DSCAM: variants seen among roughly 807,000 people sequenced by gnomAD.
DSCAM encodes DS cell adhesion molecule, also known as cell adhesion molecule DSCAM.
A neutral mutation model predicts 217.7 loss-of-function variants in DSCAM; 47 were observed. The observed-to-expected ratio is 0.22, with a 90% CI of 0.17 to 0.28. The LOEUF (loss-of-function observed/expected upper bound fraction) is 0.28, where lower values mean the gene tolerates loss of function less well. Ranked by LOEUF, DSCAM falls within the 10% of genes least tolerant of loss-of-function variation. DSCAM has a pLI of 1.00. For missense variants in DSCAM, 2,080 were observed against 2,618.3 expected (o/e 0.79, Z 4.49); for synonymous variants, 1,056 against 1,015.3 (o/e 1.04, Z -0.76).
chr21:40,403,761 A>G (rs980663919), intron 3 of DSCAM, among the ~76,000 whole-genome samples: 7 of 152,200 alleles, frequency 4.6e-5, no homozygotes, highest in Non-Finnish European at 1.0e-4. Context: ...AATGTGATAG[A>G]AGGCCCTAGA....
chr21:40,020,079 G>A (rs2088234703), intron 32 of DSCAM, among the ~76,000 whole-genome samples: 1 of 152,110 alleles, frequency 6.6e-6, no homozygotes, highest in South Asian at 2.1e-4. Flanking sequence ...ATGTGTTGTA[G>A]GAGGGACCCA....
intron 14 of DSCAM, among the ~76,000 whole-genome samples, chr21:40,185,807 T>C (rs539990207): frequency 1.3e-5 from 2 of 152,176 alleles, no homozygotes; most frequent in East Asian, 3.9e-4. Context: ...CAAAAGATGC[T>C]TGTTCAGCTC....
intron 3 of DSCAM, among the ~76,000 whole-genome samples, chr21:40,630,992 T>C (rs1444382826): frequency 1.3e-5 from 2 of 152,164 alleles, no homozygotes; most frequent in African/African-American, 4.8e-5. Flanking sequence ...ATCTGGATAA[T>C]AAAAGTATTA....
intron 1 of DSCAM, among the ~76,000 whole-genome samples, chr21:40,779,032 G>GAAAAA (rs772208075): frequency 1.1e-4 from 5 of 45,548 alleles, no homozygotes; most frequent in Non-Finnish European, 1.6e-4. Context: ...CTCAAAAACA[G>GAAAAA]AAAAAAAAAA....
Position 40,013,100 on chromosome 21 carries a change from T to C in DSCAM, c.5973A>G (p.Ser1991=), listed in dbSNP as rs368514469. 5 of 1,597,428 alleles carry C rather than the reference T, an allele frequency of 3.1e-6. No individual in the cohort carries two copies. In the African/African-American group the frequency reaches 5.4e-5, roughly 17 times the overall value. ...QAAKMSSSQE[S]LLDSRGHLKG... The stretch of plus-strand genomic sequence containing the variant: ...TCAAATGGCCCCGGGAGTCGAGCAG[T>C]GATTCTTGGGAGCTGCTCATTTTAG... The change falls in exon 33 of 33, where the codon TCA becomes TCG. Residue 1991 remains serine, a synonymous_variant. Coordinates refer to ENST00000400454, the MANE Select transcript of DSCAM (RefSeq NM_001389.5).
rs573549915 is a variant in DSCAM at position 40,630,350 on chromosome 21, T to C, written c.508+62460A>G. 1.2e-4 allele frequency among the ~76,000 whole-genome samples: 19 copies of C among 152,348 alleles called. 1 individual carries two copies. The South Asian group carries it at 3.5e-3, about 28-fold the overall frequency. Reference sequence around the variant, plus strand: ...TAAAAATGGCTCAAATTGTGGATTTTATGTTATGTATATTTTACCACAACA... The same window carrying C: ...TAAAAATGGCTCAAATTGTGGATTTCATGTTATGTATATTTTACCACAACA... On this transcript the variant is annotated intron_variant, in intron 3 of 32. Coordinates refer to ENST00000400454, the MANE Select transcript of DSCAM (RefSeq NM_001389.5).
chr21:40,600,268 T>C (rs556864886), intron 3 of DSCAM, among the ~76,000 whole-genome samples: 12 of 152,354 alleles, frequency 7.9e-5, no homozygotes, highest in African/African-American at 2.6e-4. Context: ...CTCACAGTGC[T>C]GGAGACTGGA....
At chr21:40,501,346 G>A (rs914037025) in intron 3 of DSCAM, among the ~76,000 whole-genome samples, 4 of 152,012 alleles carry the variant, frequency 2.6e-5, no homozygotes, top group Non-Finnish European at 4.4e-5. Context: ...CCAAACACTA[G>A]AGGAAATGAT....
intron 1 of DSCAM, among the ~76,000 whole-genome samples, chr21:40,842,871 C>G (rs2092114451): frequency 6.6e-6 from 1 of 152,172 alleles, no homozygotes; most frequent in Non-Finnish European, 1.5e-5. Context: ...GAACGATCCA[C>G]TGGCATTTAT....
chr21:40,513,896 T>C (rs73362995), intron 3 of DSCAM, among the ~76,000 whole-genome samples: 2,489 of 152,178 alleles, frequency 0.016, 67 homozygotes, highest in African/African-American at 0.057. Flanking sequence ...AAGTCAAAAA[T>C]AGTCAAAATA....
At chr21:40,151,757 A>G (rs1601388055) in intron 16 of DSCAM, among the ~76,000 whole-genome samples, 1 of 152,184 alleles carries the variant, frequency 6.6e-6, no homozygotes, top group East Asian at 1.9e-4. Flanking sequence ...TCAGCAGTCT[A>G]GTGTGACAGC....
intron 10 of DSCAM, among the ~76,000 whole-genome samples, chr21:40,278,252 C>T (rs2073714884): frequency 6.6e-6 from 1 of 152,074 alleles, no homozygotes; most frequent in African/African-American, 2.4e-5. Context: ...GAGAGTTATA[C>T]CATGTTCATG....
intron 32 of DSCAM, among the ~76,000 whole-genome samples, chr21:40,035,272 C>A: frequency 9.5e-6 from 1 of 105,314 alleles, no homozygotes; most frequent in African/African-American, 4.1e-5. Context: ...GGAAACCCAT[C>A]TCACGTGCAG....
intron 3 of DSCAM, among the ~76,000 whole-genome samples, chr21:40,531,671 C>T (rs1194676612): frequency 6.6e-6 from 1 of 152,200 alleles, no homozygotes; most frequent in Non-Finnish European, 1.5e-5. Flanking sequence ...AGGTTTGGTC[C>T]CCATTCCTGA....
chr21:40,513,387 A>T (rs550830009), intron 3 of DSCAM: 1 of 152,358 alleles, frequency 6.6e-6, no homozygotes, highest in South Asian at 2.1e-4. Context: ...TGCTGCTGTA[A>T]GGGAATACAT....
In DSCAM at chr21:40,563,849, T is replaced by C. The variant is rs952804636; in HGVS notation, c.508+128961A>G. ...ATGTTTATATATGTTTATATGTTTA[T>C]ATATGTTTATATGTTTATATATAGT... On this transcript the variant is annotated intron_variant, in intron 3 of 32. Transcript: ENST00000400454. Among the ~76,000 whole-genome samples, 6 of 150,278 alleles carry C rather than the reference T, an allele frequency of 4.0e-5. No homozygotes were observed. The South Asian group carries it at 1.3e-3, about 31-fold the overall frequency.
Position 40,369,083 on chromosome 21 carries a change from C to T in DSCAM, c.655+16G>A. ...AAATAGCAGACATAGCAGACAGAGT[C>T]TTGATAAGTTTTTACCTGATACAAA... On this transcript the variant is annotated intron_variant, in intron 4 of 32. Coordinates refer to ENST00000400454, the MANE Select transcript of DSCAM (RefSeq NM_001389.5). 1 of 1,596,402 alleles carries T rather than the reference C, an allele frequency of 6.3e-7. No homozygotes were observed. The highest frequency in any genetic ancestry group is 1.2e-5 in the South Asian group (1 of 86,632).
intron 1 of DSCAM, among the ~76,000 whole-genome samples, chr21:40,808,988 C>T (rs937878470): frequency 6.6e-6 from 1 of 152,170 alleles, no homozygotes; most frequent in Non-Finnish European, 1.5e-5. Flanking sequence ...TACATGCTCA[C>T]CACTGACCCA....
chr21:40,167,869 T>G (rs2090614728), intron 15 of DSCAM, among the ~76,000 whole-genome samples: 1 of 152,082 alleles, frequency 6.6e-6, no homozygotes, highest in Non-Finnish European at 1.5e-5. Flanking sequence ...ATTGAGACCA[T>G]CCTGGCTAAC....
Sources: gnomAD v4.1 joint callset for allele counts (sites outside exome capture counted in the v4.1 genomes callset) on GRCh38, gnomAD v4.1.1 for gene constraint, MANE v1.5 for transcripts, NCBI Gene and HGNC (gene_info 2026-07-23, HGNC 2026-07-21) for gene names.